HDAC7: variants seen among roughly 807,000 people sequenced by gnomAD.
HDAC7 encodes histone deacetylase 7.
In HDAC7, 26 loss-of-function variants were observed where a neutral mutation model predicts 115.5. The observed-to-expected ratio is 0.23, with a 90% CI of 0.16 to 0.31. HDAC7 has a LOEUF of 0.31. HDAC7 is among the 10% of genes least tolerant of loss of function. The pLI is 1.00. For missense variants in HDAC7, 1,068 were observed against 1,329.0 expected (o/e 0.80, Z 3.05); for synonymous variants, 564 against 550.9 (o/e 1.02, Z -0.33).
intron 1 of HDAC7, among the ~76,000 whole-genome samples, chr12:47,806,300 C>G (rs148068460): frequency 6.6e-6 from 1 of 152,206 alleles, no homozygotes; most frequent in Non-Finnish European, 1.5e-5. Flanking sequence ...GTTTAAGCCC[C>G]GACTCCCTCG....
Position 47,791,801 on chromosome 12 carries a change from G to GGCCCCCCCCCCCCCCCCCC in HDAC7, c.1812+69_1812+70insGGGGGGGGGGGGGGGGGGC. The GGCCCCCCCCCCCCCCCCCC allele has an allele frequency of 4.0e-6, 6 of 1,511,054 alleles. No homozygotes were observed. In the African/African-American group the frequency reaches 4.2e-5, roughly 11 times the overall value. 93.6% of individuals were successfully genotyped at this position (1,511,054 alleles called of 1,614,324 possible). A position where few individuals can be genotyped will look rare whatever the true frequency, so the allele number is the denominator to read the frequency against. ...CCCCTCATCTCTCATGGGCCCCAGG[G>GGCCCCCCCCCCCCCCCCCC]CCCCCCACCCCTCCCCTCCCATGAC... On this transcript the variant is annotated intron_variant, in intron 14 of 25. Coordinates refer to ENST00000080059, the MANE Select transcript of HDAC7 (RefSeq NM_015401.5).
intron 1 of HDAC7, among the ~76,000 whole-genome samples, chr12:47,809,304 C>T (rs1407803828): frequency 6.6e-6 from 1 of 152,178 alleles, no homozygotes; most frequent in African/African-American, 2.4e-5. Context: ...CTGCTTTGCC[C>T]ACTGGTTCTG....
intron 19 of HDAC7, chr12:47,788,975 C>T: frequency 2.4e-6 from 1 of 417,902 alleles, no homozygotes. Flanking sequence ...GCAGAAATTA[C>T]TAGATCTGCC....
intron 7 of HDAC7, 126 bp from the exon 8 acceptor site, chr12:47,796,424 TTC>T: frequency 1.7e-6 from 1 of 578,396 alleles, no homozygotes; most frequent in South Asian, 2.2e-5. Context: ...GCTTCCTGCT[TTC>T]TTTTTTTTTT....
At position 47,795,375 on chromosome 12, in the gene HDAC7, C is replaced by T. The variant is rs2136962616; in HGVS notation, c.1093G>A (p.Gly365Arg). 4 of 1,593,074 alleles carry T rather than the reference C, an allele frequency of 2.5e-6. No homozygotes were observed. The highest frequency in any genetic ancestry group is 3.4e-6 in the Non-Finnish European group (4 of 1,170,172). ...AAGTGGAAGGGCAAGGGCCCAAGCC[C>T]GGGCACTGGAAAGAATCGGGGGGTG... ...GSHAPLLTVP[G>R]LGPLPFHFAQ... Residue 365 changes from glycine to arginine, a missense_variant, in exon 11 of 26, where the codon GGG becomes AGG. Gly to Arg is a moderately radical substitution (Grantham distance 125). Around this residue, in one of 6 missense-constraint regions of HDAC7, gnomAD observed 618 missense variants for 701.5 expected, o/e 0.88. Coordinates refer to ENST00000080059, the MANE Select transcript of HDAC7 (RefSeq NM_015401.5). The surrounding 1 kb of genome is among the most constrained non-coding windows in gnomAD (Gnocchi z 4.3).
chr12:47,793,389 C>A lies in HDAC7; in HGVS notation c.1658G>T (p.Arg553Met). Residue 553 changes from arginine (R) to methionine (M), a missense_variant, in exon 13 of 26, where the codon AGG (arginine) becomes ATG (methionine). This residue lies in a region of HDAC7 where 618 missense variants were observed against 701.5 expected (regional missense o/e 0.88). Transcript: ENST00000080059. This position sits in a 1 kb window ranked among gnomAD's most constrained non-coding sequence, Gnocchi z 4.5. ...RVLSSSETPA[R>M]TLPFTTGLIY... Reference sequence around the variant, plus strand: ...CTCACCTGTGGTGAAGGGCAGGGTCCTGGCAGGGGTCTCTGAGCTGGAGAG... The same window carrying A: ...CTCACCTGTGGTGAAGGGCAGGGTCATGGCAGGGGTCTCTGAGCTGGAGAG... The A allele has an allele frequency of 6.4e-7, 1 of 1,550,802 alleles. No individual in the cohort carries two copies. Among genetic ancestry groups the A allele is most frequent in the Non-Finnish European group, 8.7e-7 (1 of 1,146,422 alleles).
intron 24 of HDAC7, 102 bp from the exon 25 acceptor site, chr12:47,784,319 G>A (rs375339636): frequency 6.9e-6 from 9 of 1,312,904 alleles, no homozygotes; most frequent in Middle Eastern, 1.9e-4. Flanking sequence ...CCAGGGCCCC[G>A]GAGGAGCGGG....
At chr12:47,784,331 C>T in intron 24 of HDAC7, 114 bp from the exon 25 acceptor site, 1 of 1,195,922 alleles carries the variant, frequency 8.4e-7, no homozygotes, top group South Asian at 1.6e-5. Context: ...AGGAGCGGGC[C>T]TGTCCTCCAC....
chr12:47,793,332 C>CCCCCA lies in HDAC7; in HGVS notation c.1678+36_1678+37insTGGGG. 3 of 1,261,074 alleles carry CCCCCA rather than the reference C, an allele frequency of 2.4e-6. No homozygotes were observed. Among genetic ancestry groups the CCCCCA allele is most frequent in the Admixed American group, 2.3e-5 (1 of 44,100 alleles). 78.1% of individuals were successfully genotyped at this position (1,261,074 alleles called of 1,614,324 possible). A position where few individuals can be genotyped will look rare whatever the true frequency, so the allele number is the denominator to read the frequency against. On this transcript the variant is annotated intron_variant, in intron 13 of 25. Transcript: ENST00000080059. The surrounding 1 kb of genome is among the most constrained non-coding windows in gnomAD (Gnocchi z 4.5). Reference sequence around the variant, plus strand: ...ACCCACATGGACTCGTGCAGCCGAGCCCCTCCCTCCACCCGCCACCCTCCT... The same window carrying CCCCCA: ...ACCCACATGGACTCGTGCAGCCGAGCCCCCACCCTCCCTCCACCCGCCACCCTCCT...
chr12:47,806,650 C>T (rs938271346), intron 1 of HDAC7, among the ~76,000 whole-genome samples: 5 of 152,140 alleles, frequency 3.3e-5, no homozygotes, highest in Admixed American at 2.0e-4. Context: ...GATTGCACCA[C>T]TGCACTCCAG....
intron 1 of HDAC7, among the ~76,000 whole-genome samples, chr12:47,806,125 T>C (rs181358129): frequency 6.6e-6 from 1 of 152,372 alleles, no homozygotes; most frequent in Admixed American, 6.5e-5. Context: ...ATACTGCTCA[T>C]TGATTGGCAC....
intron 19 of HDAC7, chr12:47,788,932 A>G (rs926816252): frequency 9.9e-6 from 3 of 303,040 alleles, no homozygotes; most frequent in Non-Finnish European, 1.9e-5. Flanking sequence ...GTTATCTGCT[A>G]TTATTCTTAT....
At chr12:47,794,625 G>T in intron 12 of HDAC7, 135 bp downstream of exon 12, 1 of 846,950 alleles carries the variant, frequency 1.2e-6, no homozygotes, top group Non-Finnish European at 1.7e-6. Flanking sequence ...CCAGCACCCA[G>T]GATCTTATAG....
Position 47,792,835 on chromosome 12 carries a change from T to C in HDAC7, c.1678+534A>G, listed in dbSNP as rs1039351412. On this transcript the variant is annotated intron_variant, in intron 13 of 25. Transcript: ENST00000080059. ...AAAGACTAATTATGCCAAGAAGGAT[T>C]CATAATATGTTAACTAAGTAAAGCA... 1.6e-5 allele frequency: 6 copies of C among 378,400 alleles called. No homozygotes were observed. In the Admixed American group the frequency reaches 1.9e-4, roughly 12 times the overall value. The allele number at this position is 378,400 out of a possible 1,614,324, so 23.4% of individuals were successfully genotyped here.
chr12:47,806,165 AC>A (rs1944393864), intron 1 of HDAC7, among the ~76,000 whole-genome samples: 1 of 152,212 alleles, frequency 6.6e-6, no homozygotes, highest in Non-Finnish European at 1.5e-5. Context: ...TTTATCCAGA[AC>A]CCAGCAGGGA....
In HDAC7 at chr12:47,804,442, C is replaced by G. The variant is rs77290322; in HGVS notation, c.20-2168G>C. On this transcript the variant is annotated intron_variant, in intron 1 of 25. Transcript: ENST00000080059. ...AGCCAGAGCATGAACATCCTGCCTC[C>G]CAGTTCTGGCTTGAGTGTGGGACCT... Among the ~76,000 whole-genome samples, 102 of 151,996 alleles carry G rather than the reference C, an allele frequency of 6.7e-4. 2 individuals are homozygous for G. In the East Asian group the frequency reaches 0.017, roughly 26 times the overall value.
intron 1 of HDAC7, among the ~76,000 whole-genome samples, chr12:47,815,893 A>ATTTT (rs34394540): frequency 2.5e-5 from 3 of 118,292 alleles, no homozygotes; most frequent in Non-Finnish European, 3.4e-5. Flanking sequence ...TCCAGCCAGG[A>ATTTT]TTTTTTTTTT....
At chr12:47,784,548 G>T in intron 24 of HDAC7, 1 of 635,292 alleles carries the variant, frequency 1.6e-6, no homozygotes, top group South Asian at 2.0e-5. Flanking sequence ...GAGCCTGCTT[G>T]CCTGCAGACA....
At position 47,798,396 on chromosome 12, in the gene HDAC7, C is replaced by A. The variant is rs1439115524; in HGVS notation, c.349+166G>T. On this transcript the variant is annotated intron_variant, in intron 4 of 25. Coordinates refer to ENST00000080059, the MANE Select transcript of HDAC7 (RefSeq NM_015401.5). The surrounding 1 kb of genome is among the most constrained non-coding windows in gnomAD (Gnocchi z 4.3). ...GCCTCCAGACACCACCCCCCACCCC[C>A]ACATCCCCCACACATTCACAGGCAG... Among the ~76,000 whole-genome samples, 1 of 152,002 alleles carries A rather than the reference C, an allele frequency of 6.6e-6. No homozygotes were observed. Among genetic ancestry groups the A allele is most frequent in the Non-Finnish European group, 1.5e-5 (1 of 67,978 alleles).
Sources: allele counts gnomAD v4.1 joint callset (sites outside exome capture counted in the v4.1 genomes callset), GRCh38; gene constraint gnomAD v4.1.1; regional missense constraint gnomAD v4.1.1; non-coding constraint Gnocchi (gnomAD v3.1); transcripts MANE v1.5; gene names NCBI Gene and HGNC (gene_info 2026-07-23, HGNC 2026-07-21).